ULK4: variants seen among roughly 807,000 people sequenced by gnomAD.
ULK4 encodes inactive serine/threonine-protein kinase ULK4.
ULK4 carries 133 observed loss-of-function variants against 160.6 expected under a neutral mutation model. The observed-to-expected ratio is 0.83, with a 90% CI of 0.72 to 0.96. The LOEUF (loss-of-function observed/expected upper bound fraction) is 0.96, where lower values mean the gene tolerates loss of function less well. Among genes scored for constraint, ULK4 ranks in the 40% least tolerant of loss-of-function variants. ULK4 has a pLI of 0.00. For missense variants in ULK4, 1,580 were observed against 1,499.5 expected, an observed-to-expected ratio of 1.05 and a Z score of -0.89; for synonymous variants, 534 against 539.8, an observed-to-expected ratio of 0.99 and a Z score of 0.15.
At chr3:41,912,176 T>C (rs958611175) in intron 9 of ULK4, among the ~76,000 whole-genome samples, 3 of 151,676 alleles carry the variant, frequency 2.0e-5, no homozygotes, top group African/African-American at 7.3e-5. Flanking sequence ...AAAAATACAA[T>C]AAATAGCTGA....
intron 35 of ULK4, among the ~76,000 whole-genome samples, chr3:41,265,479 C>T (rs2079015103): frequency 6.6e-6 from 1 of 152,172 alleles, no homozygotes; most frequent in South Asian, 2.1e-4. Context: ...AAAATTCCTT[C>T]AAATTAATAA....
chr3:41,752,296 G>A lies in ULK4; in HGVS notation c.2321+2065C>T, dbSNP rs575551689. On this transcript the variant is annotated intron_variant, in intron 22 of 36. Coordinates refer to ENST00000301831, the MANE Select transcript of ULK4 (RefSeq NM_017886.4). The stretch of plus-strand genomic sequence containing the variant: ...GTTCCAGTGAAAAATGATGGTAAAC[G>A]CAAAGACAAATCAGAGGTAGCAAAG... Among the ~76,000 whole-genome samples the A allele has an allele frequency of 4.6e-5, 7 of 152,156 alleles. No homozygotes were observed. In the East Asian group the frequency reaches 1.2e-3, roughly 25 times the overall value.
At chr3:41,404,890 C>T (rs925828179) in intron 34 of ULK4, among the ~76,000 whole-genome samples, 3 of 152,176 alleles carry the variant, frequency 2.0e-5, no homozygotes, top group African/African-American at 7.2e-5. Flanking sequence ...CATTTCTGTT[C>T]ATTATAAATT....
At chr3:41,476,315 C>T (rs1485753515) in intron 32 of ULK4, among the ~76,000 whole-genome samples, 2 of 152,254 alleles carry the variant, frequency 1.3e-5, no homozygotes. Context: ...CAAAGCAAGT[C>T]AAGGTAGAAA....
intron 31 of ULK4, among the ~76,000 whole-genome samples, chr3:41,578,480 A>G (rs888639243): frequency 3.9e-5 from 6 of 152,208 alleles, no homozygotes; most frequent in Admixed American, 3.9e-4. Context: ...ACGCTATACC[A>G]TCTTGAAGAA....
chr3:41,416,037 A>C (rs1252848193), intron 34 of ULK4, among the ~76,000 whole-genome samples: 2 of 152,242 alleles, frequency 1.3e-5, no homozygotes, highest in East Asian at 3.8e-4. Flanking sequence ...ATGTGGCTAT[A>C]CGATCTTCAT....
chr3:41,700,660 A>G (rs934861821), intron 27 of ULK4, among the ~76,000 whole-genome samples: 16 of 152,196 alleles, frequency 1.1e-4, no homozygotes, highest in African/African-American at 3.9e-4. Context: ...GATTTCAGGG[A>G]CAATGACCAG....
Position 41,715,311 on chromosome 3 carries a change from C to T in ULK4, c.2578-18G>A, listed in dbSNP as rs753079567. 1.9e-6 allele frequency: 3 copies of T among 1,613,150 alleles called. No homozygotes were observed. The highest frequency in any genetic ancestry group is 2.5e-6 in the Non-Finnish European group (3 of 1,179,810). Reference sequence around the variant, plus strand: ...CGAAATACCTGTGTGATGAGAGTTTCTACAGATTAAATTCTGGAAGCTATG... The same window carrying T: ...CGAAATACCTGTGTGATGAGAGTTTTTACAGATTAAATTCTGGAAGCTATG... On this transcript the variant is annotated intron_variant, in intron 24 of 36. Transcript: ENST00000301831.
chr3:41,671,484 C>T (rs2035535518), intron 29 of ULK4, among the ~76,000 whole-genome samples: 1 of 152,012 alleles, frequency 6.6e-6, no homozygotes, highest in African/African-American at 2.4e-5. Context: ...ACAACACACA[C>T]AGAAGAAAGG....
chr3:41,414,246 G>A (rs748039898), intron 34 of ULK4, among the ~76,000 whole-genome samples: 8 of 151,934 alleles, frequency 5.3e-5, no homozygotes, highest in African/African-American at 1.7e-4. Context: ...ATATCCATTC[G>A]GCATCTTGTA....
At chr3:41,956,107 A>G (rs899954346) in intron 1 of ULK4, among the ~76,000 whole-genome samples, 6 of 152,216 alleles carry the variant, frequency 3.9e-5, no homozygotes, top group African/African-American at 1.4e-4. Context: ...CACCTTTTCT[A>G]TGCAGCAGAT....
At chr3:41,469,620 A>AAAAAAAAAAAAAAAAAAAAAAAAC (rs2083923763) in intron 32 of ULK4, among the ~76,000 whole-genome samples, 1 of 148,664 alleles carries the variant, frequency 6.7e-6, no homozygotes, top group African/African-American at 2.5e-5. Context: ...AAAAAAAAAA[A>AAAAAAAAAAAAAAAAAAAAAAAAC]AAAAAAACAC....
At chr3:41,794,885 T>C (rs570044497) in intron 20 of ULK4, among the ~76,000 whole-genome samples, 9 of 152,048 alleles carry the variant, frequency 5.9e-5, no homozygotes, top group Non-Finnish European at 8.8e-5. Context: ...GGAAAGGTCC[T>C]GAGGCAGAAA....
intron 32 of ULK4, among the ~76,000 whole-genome samples, chr3:41,529,713 G>A (rs1218588628): frequency 1.3e-5 from 2 of 152,094 alleles, no homozygotes; most frequent in Non-Finnish European, 1.5e-5. Flanking sequence ...GGCTGGTCTC[G>A]AACTCCTGGC....
intron 35 of ULK4, among the ~76,000 whole-genome samples, chr3:41,348,887 C>G (rs2080856415): frequency 6.6e-6 from 1 of 152,186 alleles, no homozygotes; most frequent in Non-Finnish European, 1.5e-5. Context: ...TTCTGGGAGA[C>G]TCAGAAAGCC....
intron 2 of ULK4, among the ~76,000 whole-genome samples, chr3:41,950,509 C>G (rs1354877867): frequency 6.6e-6 from 1 of 152,054 alleles, no homozygotes; most frequent in East Asian, 1.9e-4. Flanking sequence ...TCCAAAAGTA[C>G]TGGGATTACA....
chr3:41,353,712 T>G (rs1043021751), intron 35 of ULK4, among the ~76,000 whole-genome samples: 1 of 129,648 alleles, frequency 7.7e-6, no homozygotes, highest in African/African-American at 3.1e-5. Flanking sequence ...CTACTACTAC[T>G]ACTACTACTA....
intron 34 of ULK4, among the ~76,000 whole-genome samples, chr3:41,408,355 G>GAGGT (rs967778983): frequency 2.1e-5 from 3 of 143,834 alleles, no homozygotes; most frequent in African/African-American, 7.8e-5. Context: ...GTGAACCCAA[G>GAGGT]AGGTGGAGCT....
chr3:41,603,884 T>C (rs2125667152), intron 31 of ULK4, among the ~76,000 whole-genome samples: 1 of 152,272 alleles, frequency 6.6e-6, no homozygotes. Flanking sequence ...AATATGTGCC[T>C]GTTAAATCCA....
Sources: allele counts gnomAD v4.1 joint callset (sites outside exome capture counted in the v4.1 genomes callset), GRCh38; gene constraint gnomAD v4.1.1; transcripts MANE v1.5; gene names NCBI Gene and HGNC (gene_info 2026-07-23, HGNC 2026-07-21).